Variants in DPY19L1 observed in about 807,000 individuals in gnomAD.
The protein encoded by DPY19L1 is dpy-19 like C-mannosyltransferase 1, also known as protein C-mannosyl-transferase DPY19L1.
A neutral mutation model predicts 96.9 loss-of-function variants in DPY19L1; 35 were observed. The observed-to-expected ratio is 0.36, with a 90% confidence interval of 0.28 to 0.48. The LOEUF is 0.48. DPY19L1 is among the 20% of genes least tolerant of loss of function. The probability of loss-of-function intolerance (pLI) is 0.99; values close to 1 mark genes in which losing one functional copy is unlikely to be tolerated. For synonymous variants in DPY19L1, 205 were observed against 252.6 expected (o/e 0.81, Z 1.79); for missense variants, 521 against 777.9 (o/e 0.67, Z 3.93).
intron 9 of DPY19L1, among the ~76,000 whole-genome samples, chr7:34,968,586 C>T (rs992560089): frequency 2.6e-4 from 40 of 151,908 alleles, no homozygotes; most frequent in Non-Finnish European, 4.0e-4. Context: ...CTAGCTAACA[C>T]GGTGAAACCC....
chr7:34,977,716 T>G (rs1784858350), intron 7 of DPY19L1, among the ~76,000 whole-genome samples: 1 of 152,228 alleles, frequency 6.6e-6, no homozygotes, highest in South Asian at 2.1e-4. Flanking sequence ...TTATCTCATT[T>G]TAAATGTAAA....
intron 3 of DPY19L1, among the ~76,000 whole-genome samples, chr7:35,015,868 A>C (rs1176182970): frequency 6.6e-6 from 1 of 152,260 alleles, no homozygotes; most frequent in Non-Finnish European, 1.5e-5. Flanking sequence ...TGCCCTGTGA[A>C]GAAGCGAACT....
intron 1 of DPY19L1, among the ~76,000 whole-genome samples, chr7:35,034,370 T>C (rs563715343): frequency 6.6e-6 from 1 of 152,188 alleles, no homozygotes; most frequent in Non-Finnish European, 1.5e-5. Context: ...TAATATAAAA[T>C]GTATTGTTAC....
chr7:34,951,403 AT>A (rs1167577674), intron 13 of DPY19L1, among the ~76,000 whole-genome samples: 2 of 152,100 alleles, frequency 1.3e-5, no homozygotes, highest in African/African-American at 2.4e-5. Context: ...AATTCCAAAA[AT>A]ATGTATATAT....
At chr7:35,032,151 T>C (rs1179628654) in intron 1 of DPY19L1, among the ~76,000 whole-genome samples, 1 of 152,202 alleles carries the variant, frequency 6.6e-6, no homozygotes, top group Non-Finnish European at 1.5e-5. Context: ...AAAACTAACA[T>C]TTATTGAGCA....
chr7:34,951,327 G>A (rs1258624604), intron 13 of DPY19L1, among the ~76,000 whole-genome samples: 1 of 151,916 alleles, frequency 6.6e-6, no homozygotes, highest in Non-Finnish European at 1.5e-5. Context: ...ACTTCACAAA[G>A]AGAATACACA....
At chr7:34,949,345 A>G (rs943255828) in intron 14 of DPY19L1, among the ~76,000 whole-genome samples, 3 of 152,194 alleles carry the variant, frequency 2.0e-5, no homozygotes, top group Non-Finnish European at 4.4e-5. Flanking sequence ...CTGTCTCACA[A>G]TCCACTAAAC....
chr7:35,033,520 T>G (rs1207387684), intron 1 of DPY19L1, among the ~76,000 whole-genome samples: 20 of 152,200 alleles, frequency 1.3e-4, no homozygotes, highest in Admixed American at 1.3e-3. Context: ...ATGTATTATC[T>G]CATTTATTTT....
chr7:35,005,482 G>T (rs1211409743), intron 6 of DPY19L1, among the ~76,000 whole-genome samples: 2 of 151,390 alleles, frequency 1.3e-5, no homozygotes, highest in Non-Finnish European at 2.9e-5. Context: ...GGGTAGCAAG[G>T]GGACCCAAGG....
chr7:35,022,926 C>G (rs528526939), intron 1 of DPY19L1, among the ~76,000 whole-genome samples: 3 of 152,276 alleles, frequency 2.0e-5, no homozygotes, highest in African/African-American at 7.2e-5. Flanking sequence ...TTGGTGCTGG[C>G]GGCTGGGCGG....
chr7:35,005,131 T>C (rs1785521250), intron 6 of DPY19L1, among the ~76,000 whole-genome samples: 1 of 152,112 alleles, frequency 6.6e-6, no homozygotes, highest in African/African-American at 2.4e-5. Context: ...CATATTTCTC[T>C]TATTTTAGGC....
At chr7:34,974,442 C>T (rs1236865923) in intron 7 of DPY19L1, among the ~76,000 whole-genome samples, 3 of 152,194 alleles carry the variant, frequency 2.0e-5, no homozygotes, top group African/African-American at 4.8e-5. Context: ...TTTCGCTGTA[C>T]CTCAGACTAC....
chr7:34,951,600 A>G lies in DPY19L1; in HGVS notation c.1321-1702T>C, dbSNP rs114321503. On this transcript the variant is annotated intron_variant, in intron 13 of 21. Transcript: ENST00000638088. ...CTTTAAAAGCATTGATCAGAAAATA[A>G]GAGAGGTAAAAACAACAGAGCTAAG... 8.3e-3 allele frequency among the ~76,000 whole-genome samples: 1,266 copies of G among 152,146 alleles called. 22 individuals carry two copies. The highest frequency in any genetic ancestry group is 0.029 in the African/African-American group (1,224 of 41,560).
chr7:34,973,615 A>C lies in DPY19L1; in HGVS notation c.823-10T>G. On this transcript the variant is annotated splice_polypyrimidine_tract_variant and intron_variant, in intron 7 of 21. Coordinates refer to ENST00000638088, the MANE Select transcript of DPY19L1 (RefSeq NM_001366673.1). ...ACATTACACGGGTACACTGAAAAAA[A>C]AAATTTGTAGTATAGTATACTTGCT... 1 of 1,423,518 alleles carries C rather than the reference A, an allele frequency of 7.0e-7. No individual in the cohort carries two copies. Among genetic ancestry groups the C allele is most frequent in the South Asian group, 1.8e-5 (1 of 55,128 alleles). 88.2% of individuals were successfully genotyped at this position (1,423,518 alleles called of 1,614,324 possible).
intron 11 of DPY19L1, among the ~76,000 whole-genome samples, 181 bp downstream of exon 11, chr7:34,957,803 T>C (rs532644368): frequency 1.4e-5 from 2 of 144,684 alleles, no homozygotes; most frequent in South Asian, 4.3e-4. Context: ...ATACTAATTT[T>C]TCCTTGTTTT....
In DPY19L1 at chr7:34,953,134, A is replaced by G. The variant is rs191046254; in HGVS notation, c.1320+1564T>C. On this transcript the variant is annotated intron_variant, in intron 13 of 21. Coordinates refer to ENST00000638088, the MANE Select transcript of DPY19L1 (RefSeq NM_001366673.1). ...TCAGAGGCACTATCAGTAAAAGTAGAGAACTCAGTAGGAAATAAAAGGCTG... is the reference window on the plus strand; with the variant it reads ...TCAGAGGCACTATCAGTAAAAGTAGGGAACTCAGTAGGAAATAAAAGGCTG... Among the ~76,000 whole-genome samples, 219 of 152,302 alleles carry G rather than the reference A, an allele frequency of 1.4e-3. 2 individuals are homozygous for G. The highest frequency in any genetic ancestry group is 3.9e-3 in the South Asian group (19 of 4,830).
At chr7:35,026,825 TAAG>T (rs140323167) in intron 1 of DPY19L1, among the ~76,000 whole-genome samples, 2,274 of 152,330 alleles carry the variant, frequency 0.015, 59 homozygotes, top group African/African-American at 0.052. Flanking sequence ...AAGTCATTCT[TAAG>T]AAGAACTATT....
At chr7:34,999,512 C>T (rs1785372743) in intron 6 of DPY19L1, among the ~76,000 whole-genome samples, 1 of 152,092 alleles carries the variant, frequency 6.6e-6, no homozygotes, top group Non-Finnish European at 1.5e-5. Flanking sequence ...GGGTCCAAAA[C>T]ACAATGAATC....
Position 35,037,113 on chromosome 7 carries a change from C to A in DPY19L1, c.282G>T (p.Trp94Cys). Residue 94 changes from tryptophan (W) to cysteine (C), a missense_variant, in exon 1 of 22, where the codon TGG (tryptophan) becomes TGT (cysteine). By Grantham distance (215) the Trp-to-Cys change is radical. Coordinates refer to ENST00000638088, the MANE Select transcript of DPY19L1 (RefSeq NM_001366673.1). Reference sequence around the variant, plus strand: ...GCTGCTCACCTAACAGGAGCGTGGTCCAGGTCCGGCCGCGCCCCGCGCGCC... The same window carrying A: ...GCTGCTCACCTAACAGGAGCGTGGTACAGGTCCGGCCGCGCCCCGCGCGCC... ...GLRRAGRGRT[W>C]TTLLLAVFAA... 4.9e-6 allele frequency: 1 copy of A among 204,010 alleles called. No homozygotes were observed. The highest frequency in any genetic ancestry group is 1.8e-4 in the South Asian group (1 of 5,552). The allele number at this position is 204,010 out of a possible 1,614,324, so 12.6% of individuals were successfully genotyped here.
Sources: gnomAD v4.1 joint callset for allele counts (sites outside exome capture counted in the v4.1 genomes callset) on GRCh38, gnomAD v4.1.1 for gene constraint, MANE v1.5 for transcripts, NCBI Gene and HGNC (gene_info 2026-07-23, HGNC 2026-07-21) for gene names.